Variants in HAGH observed in about 807,000 individuals in gnomAD.
HAGH encodes hydroxyacylglutathione hydrolase, mitochondrial.
In HAGH, 29 loss-of-function variants were observed where a neutral mutation model predicts 35.1. That is an observed-to-expected ratio of 0.83 (90% CI 0.62 to 1.13). The LOEUF (loss-of-function observed/expected upper bound fraction) is 1.13, where lower values mean the gene tolerates loss of function less well. HAGH is among the 50% of genes most tolerant of loss of function. The probability of loss-of-function intolerance (pLI) is 0.00; values close to 1 mark genes in which losing one functional copy is unlikely to be tolerated. For missense variants in HAGH, 478 were observed against 419.6 expected, an observed-to-expected ratio of 1.14 and a Z score of -1.22; for synonymous variants, 225 against 176.1, an observed-to-expected ratio of 1.28 and a Z score of -2.20.
chr16:1,814,984 G>C (rs1172961034), intron 7 of HAGH, among the ~76,000 whole-genome samples: 1 of 151,206 alleles, frequency 6.6e-6, no homozygotes, highest in African/African-American at 2.4e-5. Context: ...ACAAAGACTT[G>C]TTTCCAGATG....
At chr16:1,809,943 C>A in intron 7 of HAGH, 110 bp from the exon 8 acceptor site, 1 of 765,540 alleles carries the variant, frequency 1.3e-6, no homozygotes, top group Non-Finnish European at 2.3e-6. Flanking sequence ...GCAGATGGAT[C>A]ACTTGAGCCC....
intron 3 of HAGH, among the ~76,000 whole-genome samples, chr16:1,821,251 G>T (rs538979178): frequency 6.6e-6 from 1 of 152,322 alleles, no homozygotes; most frequent in East Asian, 1.9e-4. Flanking sequence ...CACAGAGCCT[G>T]AGACTCTCCA....
At position 1,819,940 on chromosome 16, in the gene HAGH, A is replaced by T; in HGVS notation, c.389T>A (p.Ile130Asn). ...AGTGATCTTGTGAGTCAGGGCCCCG[A>T]TACGGTCGTCACCCCCGTACACCTT... The part of the protein sequence containing the change: ...GLKVYGGDDR[I>N]GALTHKITHL... The change falls in exon 4 of 9, where the codon ATC becomes AAC. Residue 130 changes from isoleucine (I) to asparagine (N), a missense_variant. Transcript: ENST00000397356. 6.2e-7 allele frequency: 1 copy of T among 1,613,032 alleles called. No homozygotes were observed. Among genetic ancestry groups the T allele is most frequent in the South Asian group, 1.1e-5 (1 of 91,054 alleles).
rs1043180165 is a variant in HAGH, at chr16:1,817,391, C to T, written c.542-120G>A. ...GCCCAGGCCCCGAACCCTGGCTGCC[C>T]TCCGGCCACGGCTGCCCAGACTCAG... On this transcript the variant is annotated intron_variant, in intron 5 of 8. Transcript: ENST00000397356. 2.7e-5 allele frequency: 19 copies of T among 705,188 alleles called. No homozygotes were observed. In the East Asian group the frequency reaches 3.7e-4, roughly 14 times the overall value. The allele number at this position is 705,188 out of a possible 1,614,324, so 43.7% of individuals were successfully genotyped here.
Position 1,819,354 on chromosome 16 carries a change from G to A in HAGH, c.433-131C>T, listed in dbSNP as rs1242339983. 1.6e-5 allele frequency: 10 copies of A among 619,600 alleles called. No individual in the cohort carries two copies. The Admixed American group carries it at 2.3e-4, about 14-fold the overall frequency. The allele number at this position is 619,600 out of a possible 1,614,324, so 38.4% of individuals were successfully genotyped here. ...GGAAATGCCCGTGAAGGTGGGGCAGGTGCTCCCCACCACGGGACTGGGGGA... is the reference window on the plus strand; with the variant it reads ...GGAAATGCCCGTGAAGGTGGGGCAGATGCTCCCCACCACGGGACTGGGGGA... On this transcript the variant is annotated intron_variant, in intron 4 of 8. Coordinates refer to ENST00000397356, the MANE Select transcript of HAGH (RefSeq NM_005326.6).
chr16:1,822,238 TA>T, intron 3 of HAGH, 61 bp downstream of exon 3: 1 of 1,125,398 alleles, frequency 8.9e-7, no homozygotes, highest in Non-Finnish European at 1.3e-6. Context: ...TTGATGTCCC[TA>T]AACCCACCGG....
At chr16:1,821,480 GAAGT>G (rs1400561652) in intron 3 of HAGH, 1 of 152,252 alleles carries the variant, frequency 6.6e-6, no homozygotes, top group Non-Finnish European at 1.5e-5. Context: ...TTGGCAAAAA[GAAGT>G]AAGTCTCTCT....
chr16:1,810,715 G>C (rs1356456053), intron 7 of HAGH: 2 of 152,408 alleles, frequency 1.3e-5, no homozygotes, highest in Non-Finnish European at 2.9e-5. Context: ...GCAGAGCTCT[G>C]ACAGAAGCTG....
At chr16:1,819,781 C>A in intron 4 of HAGH, 116 bp downstream of exon 4, 1 of 735,048 alleles carries the variant, frequency 1.4e-6, no homozygotes, top group East Asian at 2.6e-5. Context: ...CAGAGGACCA[C>A]TGAGAGCACT....
In HAGH at chr16:1,826,797, C is replaced by A; in HGVS notation, c.-10G>T. On this transcript the variant is annotated 5_prime_UTR_variant, in exon 1 of 9. Transcript: ENST00000397356. ...CTCGGCCCACCACCATGACCCGGGC[C>A]GGGCTGGACTGCCGAGCTGCCCAGG... 8.2e-7 allele frequency: 1 copy of A among 1,218,678 alleles called. No homozygotes were observed. The highest frequency in any genetic ancestry group is 1.0e-6 in the Non-Finnish European group (1 of 977,568). The allele number at this position is 1,218,678 out of a possible 1,614,324, so 75.5% of individuals were successfully genotyped here.
At position 1,823,744 on chromosome 16, in the gene HAGH, T is replaced by TAA. The variant is rs71145496; in HGVS notation, c.77-709_77-708dup. ...GGTGACAAGACAATAACCTGTTCCT[T>TAA]AAAAAAAAAAAAAAAAAAAAAAAAA... is the stretch of plus-strand genomic sequence containing the variant. On this transcript the variant is annotated intron_variant, in intron 1 of 8. Transcript: ENST00000397356. 9.2e-3 allele frequency among the ~76,000 whole-genome samples: 515 copies of TAA among 55,910 alleles called. 6 individuals carry two copies. Among genetic ancestry groups the TAA allele is most frequent in the South Asian group, 0.029 (42 of 1,432 alleles). 36.7% of individuals were successfully genotyped at this position (55,910 alleles called of 152,430 possible). A position where few individuals can be genotyped will look rare whatever the true frequency, so the allele number is the denominator to read the frequency against.
intron 7 of HAGH, among the ~76,000 whole-genome samples, chr16:1,812,730 T>A (rs571905964): frequency 1.3e-5 from 2 of 152,190 alleles, no homozygotes; most frequent in African/African-American, 2.4e-5. Flanking sequence ...AAAGAATCTA[T>A]TGGACTTCAT....
intron 5 of HAGH, chr16:1,818,420 CT>C (rs2142040081): frequency 6.6e-6 from 1 of 152,544 alleles, no homozygotes; most frequent in Admixed American, 6.5e-5. Context: ...CCCTGCACCC[CT>C]GGTTTGACTC....
chr16:1,825,355 G>A (rs1259129286), intron 1 of HAGH, among the ~76,000 whole-genome samples: 1 of 152,188 alleles, frequency 6.6e-6, no homozygotes, highest in Non-Finnish European at 1.5e-5. Context: ...GCCTCCTGAA[G>A]AAGCTGACAA....
intron 7 of HAGH, among the ~76,000 whole-genome samples, chr16:1,815,593 C>T (rs1401961222): frequency 6.6e-6 from 1 of 152,222 alleles, no homozygotes; most frequent in South Asian, 2.1e-4. Flanking sequence ...AGAGCAACAG[C>T]TGGCGGGGAC....
intron 7 of HAGH, among the ~76,000 whole-genome samples, chr16:1,813,052 C>G (rs1281670972): frequency 6.6e-6 from 1 of 152,232 alleles, no homozygotes; most frequent in African/African-American, 2.4e-5. Context: ...GGTGTTCACA[C>G]GGGGCTGCGG....
In HAGH at chr16:1,809,146, T is replaced by A; in HGVS notation, c.*137A>T. On this transcript the variant is annotated 3_prime_UTR_variant, in exon 9 of 9. Coordinates refer to ENST00000397356, the MANE Select transcript of HAGH (RefSeq NM_005326.6). ...GTTAAACTTCTCTTATAAATATGCA[T>A]TAGAATGTCCGATAACACAAGCCAA... 1.5e-6 allele frequency: 1 copy of A among 653,224 alleles called. No individual in the cohort carries two copies. The highest frequency in any genetic ancestry group is 2.6e-4 in the Middle Eastern group (1 of 3,832). 40.5% of individuals were successfully genotyped at this position (653,224 alleles called of 1,614,324 possible).
At chr16:1,819,716 C>T (rs533366362) in intron 4 of HAGH, 181 bp downstream of exon 4, 28 of 624,788 alleles carry the variant, frequency 4.5e-5, no homozygotes, top group Admixed American at 4.2e-4. Context: ...CACACAGCCG[C>T]GTTTTGCACA....
At chr16:1,811,180 G>A (rs1378604915) in intron 7 of HAGH, among the ~76,000 whole-genome samples, 1 of 152,158 alleles carries the variant, frequency 6.6e-6, no homozygotes, top group Non-Finnish European at 1.5e-5. Context: ...TTGGGAGGCC[G>A]AGGTGGGTGG....
Sources: gnomAD v4.1 joint callset for allele counts (sites outside exome capture counted in the v4.1 genomes callset) on GRCh38, gnomAD v4.1.1 for gene constraint, MANE v1.5 for transcripts, NCBI Gene and HGNC (gene_info 2026-07-23, HGNC 2026-07-21) for gene names.